The following BSN variants were observed in gnomAD, a reference collection of about 807,000 sequenced individuals.
BSN encodes protein bassoon.
In BSN, 57 loss-of-function variants were observed where a neutral mutation model predicts 264.8. That is an observed-to-expected ratio of 0.22 (90% confidence interval 0.17 to 0.27). The LOEUF is 0.27. Ranked by LOEUF, BSN falls within the 10% of genes least tolerant of loss-of-function variation. The pLI is 1.00. For synonymous variants in BSN, 2,059 were observed against 2,137.3 expected (o/e 0.96, Z 1.01); for missense variants, 4,615 against 5,232.5 (o/e 0.88, Z 3.64).
chr3:49,661,580 C>G lies in BSN; in HGVS notation c.9735C>G (p.Thr3245=). The change falls in exon 6 of 12, where the codon ACC becomes ACG. Residue 3245 remains threonine (T), a synonymous_variant. Coordinates refer to ENST00000296452, the MANE Select transcript of BSN (RefSeq NM_003458.4). ...DDISELTKDS[T]STAPDSQRLE... Reference sequence around the variant, plus strand: ...TCAGTGAACTGACCAAGGACAGCACCTCTACTGCTCCTGATAGCCAACGGC... The same window carrying G: ...TCAGTGAACTGACCAAGGACAGCACGTCTACTGCTCCTGATAGCCAACGGC... The G allele has an allele frequency of 1.2e-6, 2 of 1,613,910 alleles. No individual in the cohort carries two copies. The highest frequency in any genetic ancestry group is 1.7e-6 in the Non-Finnish European group (2 of 1,180,040).
intron 2 of BSN, among the ~76,000 whole-genome samples, chr3:49,633,495 C>G (rs1010526166): frequency 6.6e-6 from 1 of 152,032 alleles, no homozygotes; most frequent in Non-Finnish European, 1.5e-5. Context: ...TAAAATGGTA[C>G]AGCCACTCTG....
chr3:49,570,893 T>C (rs1449265612), intron 1 of BSN, among the ~76,000 whole-genome samples: 1 of 152,164 alleles, frequency 6.6e-6, no homozygotes, highest in East Asian at 1.9e-4. Context: ...AAGCATCCTG[T>C]GCTACCTGCA....
chr3:49,631,910 C>T (rs1197642717), intron 2 of BSN, among the ~76,000 whole-genome samples: 1 of 152,210 alleles, frequency 6.6e-6, no homozygotes, highest in Non-Finnish European at 1.5e-5. Flanking sequence ...GAAGAACTCA[C>T]ACTTCCTGAT....
chr3:49,573,706 G>C (rs1199003129), intron 1 of BSN, among the ~76,000 whole-genome samples: 1 of 148,966 alleles, frequency 6.7e-6, no homozygotes, highest in Non-Finnish European at 1.5e-5. Flanking sequence ...TGCCCAGGCT[G>C]GAGTGCAATG....
Position 49,583,098 on chromosome 3 carries a change from A to T in BSN, c.224+28272A>T, listed in dbSNP as rs369361976. On this transcript the variant is annotated intron_variant, in intron 1 of 11. Transcript: ENST00000296452. ...ATTCTCCTGCTTCAGCCTCCAGAGTAGCTGGGATTACAGGTGCGTGCAACT... is the reference window on the plus strand; with the variant it reads ...ATTCTCCTGCTTCAGCCTCCAGAGTTGCTGGGATTACAGGTGCGTGCAACT... Among the ~76,000 whole-genome samples, 17 of 152,112 alleles carry T rather than the reference A, an allele frequency of 1.1e-4. No homozygotes were observed. The East Asian group carries it at 2.3e-3, about 21-fold the overall frequency.
intron 1 of BSN, among the ~76,000 whole-genome samples, chr3:49,555,057 C>T (rs1378639904): frequency 6.6e-6 from 1 of 152,190 alleles, no homozygotes; most frequent in African/African-American, 2.4e-5. Context: ...GCCTGCAGAC[C>T]GTGACTCCGT....
At chr3:49,581,630 C>T (rs965519296) in intron 1 of BSN, among the ~76,000 whole-genome samples, 6 of 151,746 alleles carry the variant, frequency 4.0e-5, no homozygotes. Context: ...TCGAGACCAT[C>T]CTGGCCAACA....
rs755104263 is a variant in BSN at position 49,660,852 on chromosome 3, C to A, written c.9007C>A (p.Arg3003Ser). The stretch of plus-strand genomic sequence containing the variant: ...GGGTGGCCGTGACTACCCACCCTTG[C>A]GTGGTCTTGGCGAGCATCGTGACTA... ...DRGGRDYPPL[R>S]GLGEHRDYLS... The change falls in exon 6 of 12, where the codon CGT (arginine) becomes AGT (serine). Residue 3003 changes from arginine to serine, a missense_variant. Around this residue, in one of 3 missense-constraint regions of BSN, gnomAD observed 3,415 missense variants for 3,866.4 expected, o/e 0.88. Coordinates refer to ENST00000296452, the MANE Select transcript of BSN (RefSeq NM_003458.4). This position sits in a 1 kb window ranked among gnomAD's most constrained non-coding sequence, Gnocchi z 7.1. 3.1e-6 allele frequency: 5 copies of A among 1,613,244 alleles called. No individual in the cohort carries two copies. Among genetic ancestry groups the A allele is most frequent in the Non-Finnish European group, 4.2e-6 (5 of 1,180,008 alleles).
chr3:49,643,647 A>C (rs866366906), intron 3 of BSN, among the ~76,000 whole-genome samples: 1 of 152,220 alleles, frequency 6.6e-6, no homozygotes, highest in Non-Finnish European at 1.5e-5. Context: ...GCTCCAGCCC[A>C]GCAAGGTGGT....
At chr3:49,564,260 TTA>T (rs138051624) in intron 1 of BSN, among the ~76,000 whole-genome samples, 5 of 152,268 alleles carry the variant, frequency 3.3e-5, no homozygotes, top group Non-Finnish European at 5.9e-5. Context: ...TCCTACACCT[TTA>T]TGAGAGCTTT....
At position 49,654,569 on chromosome 3, in the gene BSN, T is replaced by G. The variant is rs1457693555; in HGVS notation, c.5013T>G (p.Ala1671=). ...PGTAVVDLRT[A]VKPTPIILTD... is the part of the protein sequence containing the mutation. The stretch of plus-strand genomic sequence containing the variant: ...CTGCAGTGGTAGACCTCCGTACAGC[T>G]GTCAAGCCCACTCCCATCATCCTCA... The change falls in exon 5 of 12, where the codon GCT becomes GCG. Residue 1671 remains alanine, a synonymous_variant. Coordinates refer to ENST00000296452, the MANE Select transcript of BSN (RefSeq NM_003458.4). This position sits in a 1 kb window ranked among gnomAD's most constrained non-coding sequence, Gnocchi z 4.1. 1 of 1,611,372 alleles carries G rather than the reference T, an allele frequency of 6.2e-7. No individual in the cohort carries two copies. The highest frequency in any genetic ancestry group is 8.5e-7 in the Non-Finnish European group (1 of 1,178,464).
At chr3:49,604,188 A>AGCT (rs2108035277) in intron 1 of BSN, among the ~76,000 whole-genome samples, 1 of 152,138 alleles carries the variant, frequency 6.6e-6, no homozygotes, top group South Asian at 2.1e-4. Flanking sequence ...CCTCCTGAGT[A>AGCT]GCTGGGACTA....
At chr3:49,605,836 AATAT>A (rs1158587153) in intron 1 of BSN, among the ~76,000 whole-genome samples, 11 of 69,356 alleles carry the variant, frequency 1.6e-4, no homozygotes, top group African/African-American at 5.2e-4. Context: ...AATAGATATA[AATAT>A]ATATATTTAT....
chr3:49,637,920 G>T (rs1237469536), intron 2 of BSN, among the ~76,000 whole-genome samples: 1 of 152,210 alleles, frequency 6.6e-6, no homozygotes, highest in Non-Finnish European at 1.5e-5. Flanking sequence ...TGGCAAGATG[G>T]GCTTCCTTGC....
At chr3:49,659,749 G>A (rs1198079140) in intron 5 of BSN, among the ~76,000 whole-genome samples, 1 of 152,198 alleles carries the variant, frequency 6.6e-6, no homozygotes, top group Non-Finnish European at 1.5e-5. Flanking sequence ...CATGCTGCTG[G>A]AGGTAGGGCT....
chr3:49,598,408 CTTGTT>C (rs1051257845), intron 1 of BSN, among the ~76,000 whole-genome samples: 13 of 152,084 alleles, frequency 8.5e-5, no homozygotes, highest in African/African-American at 2.7e-4. Flanking sequence ...AGATTTTTTT[CTTGTT>C]TTAATTTTTT....
chr3:49,638,290 A>C lies in BSN; in HGVS notation c.634-3978A>C, dbSNP rs2108068436. The stretch of plus-strand genomic sequence containing the variant: ...AGTGGAGTCTGCCACAGAACTATTC[A>C]TGTATACCCAGGCTGGGTGGGCGGG... On this transcript the variant is annotated intron_variant, in intron 2 of 11. Coordinates refer to ENST00000296452, the MANE Select transcript of BSN (RefSeq NM_003458.4). The surrounding 1 kb of genome is among the most constrained non-coding windows in gnomAD (Gnocchi z 4.3). Among the ~76,000 whole-genome samples, 2 of 109,250 alleles carry C rather than the reference A, an allele frequency of 1.8e-5. No individual in the cohort carries two copies. 71.7% of individuals were successfully genotyped at this position (109,250 alleles called of 152,430 possible). A position where few individuals can be genotyped will look rare whatever the true frequency, so the allele number is the denominator to read the frequency against.
chr3:49,626,167 T>C (rs913725933), intron 2 of BSN, among the ~76,000 whole-genome samples: 7 of 152,076 alleles, frequency 4.6e-5, no homozygotes, highest in African/African-American at 1.4e-4. Flanking sequence ...ACCAAATGAG[T>C]TGGGGCCATC....
Position 49,660,906 on chromosome 3 carries a change from C to T in BSN, c.9061C>T (p.Arg3021Trp), listed in dbSNP as rs145365460. 57 of 1,612,670 alleles carry T rather than the reference C, an allele frequency of 3.5e-5. No homozygotes were observed. Among genetic ancestry groups the T allele is most frequent in the Middle Eastern group, 3.3e-4 (2 of 6,062 alleles). ...YLSDSELNQL[R>W]LQGCTTPAGQ... is the part of the protein sequence containing the mutation. ...ATCGGACAGTGAGCTCAACCAGCTG[C>T]GGCTCCAGGGCTGCACCACTCCCGC... Residue 3021 changes from arginine (R) to tryptophan (W), a missense_variant, in exon 6 of 12, where the codon CGG (arginine) becomes TGG (tryptophan). Physicochemically the swap from Arg to Trp is moderately radical, Grantham distance 101. Around this residue, in one of 3 missense-constraint regions of BSN, gnomAD observed 3,415 missense variants for 3,866.4 expected, o/e 0.88. Transcript: ENST00000296452. This position sits in a 1 kb window ranked among gnomAD's most constrained non-coding sequence, Gnocchi z 7.1.
Sources: allele counts gnomAD v4.1 joint callset (sites outside exome capture counted in the v4.1 genomes callset), GRCh38; gene constraint gnomAD v4.1.1; regional missense constraint gnomAD v4.1.1; non-coding constraint Gnocchi (gnomAD v3.1); transcripts MANE v1.5; gene names NCBI Gene and HGNC (gene_info 2026-07-23, HGNC 2026-07-21).